Variants in PKN2 observed in about 807,000 individuals in gnomAD.
The protein encoded by PKN2 is serine/threonine-protein kinase N2.
In PKN2, 38 loss-of-function variants were observed where a neutral mutation model predicts 119.1. The ratio of observed to expected loss-of-function variants is 0.32; its 90% CI spans 0.25 to 0.42. The LOEUF (loss-of-function observed/expected upper bound fraction) is 0.42. Ranked by LOEUF, PKN2 falls within the 10% of genes least tolerant of loss-of-function variation. PKN2 has a pLI of 1.00. For missense variants in PKN2, 850 were observed against 1,165.1 expected (o/e 0.73, Z 3.94); for synonymous variants, 390 against 384.9 (o/e 1.01, Z -0.15).
intron 8 of PKN2, among the ~76,000 whole-genome samples, chr1:88,788,811 C>T (rs1322274303): frequency 6.6e-6 from 1 of 152,126 alleles, no homozygotes; most frequent in African/African-American, 2.4e-5. Flanking sequence ...TGTCGGGTTA[C>T]TCTTTTATAT....
At chr1:88,743,937 C>T (rs1449678530) in intron 2 of PKN2, among the ~76,000 whole-genome samples, 1 of 151,920 alleles carries the variant, frequency 6.6e-6, no homozygotes, top group East Asian at 1.9e-4. Flanking sequence ...TAACTTTATA[C>T]TGTGACTTCT....
intron 1 of PKN2, among the ~76,000 whole-genome samples, chr1:88,722,696 T>C (rs1374796381): frequency 6.6e-6 from 1 of 151,352 alleles, no homozygotes; most frequent in Non-Finnish European, 1.5e-5. Flanking sequence ...GGTGGGAGGA[T>C]CACTTGATCT....
intron 1 of PKN2, among the ~76,000 whole-genome samples, chr1:88,691,171 C>T (rs1002605419): frequency 6.6e-6 from 1 of 152,034 alleles, no homozygotes; most frequent in African/African-American, 2.4e-5. Context: ...TCAAGTGATT[C>T]GCCCATCTCA....
At chr1:88,723,884 T>C (rs11805027) in intron 1 of PKN2, among the ~76,000 whole-genome samples, 9,727 of 152,242 alleles carry the variant, frequency 0.064, 633 homozygotes, top group African/African-American at 0.17. Context: ...TATAATATTT[T>C]GCCTTCTCAT....
chr1:88,783,590 T>C (rs1158452461), intron 6 of PKN2, among the ~76,000 whole-genome samples: 1 of 152,218 alleles, frequency 6.6e-6, no homozygotes, highest in Non-Finnish European at 1.5e-5. Context: ...AATTAAGTAG[T>C]TATTTAAATT....
intron 7 of PKN2, among the ~76,000 whole-genome samples, chr1:88,785,427 A>T (rs1230537362): frequency 2.0e-5 from 3 of 152,100 alleles, no homozygotes; most frequent in Non-Finnish European, 4.4e-5. Flanking sequence ...TCCAGCCTTG[A>T]TTCTTTTAAT....
At position 88,763,909 on chromosome 1, in the gene PKN2, C is replaced by T. The variant is rs987189091; in HGVS notation, c.504+3533C>T. 3.3e-5 allele frequency among the ~76,000 whole-genome samples: 5 copies of T among 152,128 alleles called. No homozygotes were observed. In the South Asian group the frequency reaches 1.0e-3, roughly 31 times the overall value. Reference sequence around the variant, plus strand: ...TCATGAGGGGGAGCAAATTTAGGGACAGGGATGATTAATTCAGTTTGGCAG... The same window carrying T: ...TCATGAGGGGGAGCAAATTTAGGGATAGGGATGATTAATTCAGTTTGGCAG... On this transcript the variant is annotated intron_variant, in intron 3 of 21. Coordinates refer to ENST00000370521, the MANE Select transcript of PKN2 (RefSeq NM_006256.4).
intron 1 of PKN2, among the ~76,000 whole-genome samples, chr1:88,700,850 G>C (rs770714892): frequency 6.6e-6 from 1 of 152,172 alleles, no homozygotes; most frequent in Non-Finnish European, 1.5e-5. Flanking sequence ...TGTTTGTTGA[G>C]TAAATAACAG....
intron 16 of PKN2, among the ~76,000 whole-genome samples, chr1:88,820,695 G>A (rs1288743375): frequency 6.6e-6 from 1 of 152,072 alleles, no homozygotes; most frequent in Non-Finnish European, 1.5e-5. Context: ...TGTATGAACG[G>A]CAGTGGAATG....
intron 1 of PKN2, among the ~76,000 whole-genome samples, chr1:88,734,263 A>G (rs553060004): frequency 7.9e-5 from 12 of 152,044 alleles, no homozygotes; most frequent in Admixed American, 6.6e-5. Flanking sequence ...TGTCCAAAAT[A>G]TTCTTGCCTA....
At chr1:88,829,187 A>G (rs1312492770) in intron 19 of PKN2, 4 of 739,024 alleles carry the variant, frequency 5.4e-6, no homozygotes, top group Non-Finnish European at 1.0e-5. Context: ...ATGGCCATGA[A>G]TTTATTGTAA....
At chr1:88,724,575 C>CTTTT (rs35072207) in intron 1 of PKN2, among the ~76,000 whole-genome samples, 49 of 141,054 alleles carry the variant, frequency 3.5e-4, no homozygotes, top group African/African-American at 1.1e-3. Flanking sequence ...AGGGATTACT[C>CTTTT]TTTTTTTTTT....
chr1:88,693,482 T>C (rs2100650510), intron 1 of PKN2, among the ~76,000 whole-genome samples: 1 of 152,354 alleles, frequency 6.6e-6, no homozygotes, highest in Non-Finnish European at 1.5e-5. Flanking sequence ...AAACTGACTT[T>C]AAGCAAAATA....
chr1:88,687,522 A>G (rs1357491903), intron 1 of PKN2, among the ~76,000 whole-genome samples: 1 of 152,224 alleles, frequency 6.6e-6, no homozygotes, highest in African/African-American at 2.4e-5. Context: ...GAATCTCAGA[A>G]TGAAAGTGTT....
chr1:88,715,427 C>T (rs1403462885), intron 1 of PKN2, among the ~76,000 whole-genome samples: 2 of 152,034 alleles, frequency 1.3e-5, no homozygotes, highest in South Asian at 2.1e-4. Flanking sequence ...GACTATTAAT[C>T]ATTTCCTCAA....
chr1:88,760,000 T>C (rs1250661022), intron 2 of PKN2, among the ~76,000 whole-genome samples: 1 of 151,888 alleles, frequency 6.6e-6, no homozygotes, highest in South Asian at 2.1e-4. Context: ...CTTTTATATT[T>C]TAAGTGGAAT....
chr1:88,706,341 A>G (rs976440978), intron 1 of PKN2, among the ~76,000 whole-genome samples: 2 of 152,156 alleles, frequency 1.3e-5, no homozygotes, highest in Non-Finnish European at 2.9e-5. Context: ...TGTGTCCTGC[A>G]ACTTTGCTGA....
In PKN2 at chr1:88,807,371, A is replaced by T; in HGVS notation, c.1862A>T (p.Gln621Leu). ...AGAAATAGTATACTTCCAAAATCTC[A>T]ATCTGAATACAAGCCTGATACTCCT... ...NDRNSILPKSQSEYKPDTPQS... is the reference protein window; with the variant it reads ...NDRNSILPKSLSEYKPDTPQS... Residue 621 changes from glutamine to leucine, a missense_variant, in exon 13 of 22, where the codon CAA (glutamine) becomes CTA (leucine). Physicochemically the swap from Gln to Leu is moderately radical, Grantham distance 113. Transcript: ENST00000370521. 3 of 1,599,712 alleles carry T rather than the reference A, an allele frequency of 1.9e-6. No individual in the cohort carries two copies. Among genetic ancestry groups the T allele is most frequent in the Non-Finnish European group, 2.6e-6 (3 of 1,168,564 alleles).
intron 15 of PKN2, among the ~76,000 whole-genome samples, chr1:88,812,220 C>T (rs911557239): frequency 1.3e-5 from 2 of 152,122 alleles, no homozygotes; most frequent in Non-Finnish European, 2.9e-5. Context: ...TCCTTTATCT[C>T]GCTGTCCTAA....
Sources: allele counts gnomAD v4.1 joint callset (sites outside exome capture counted in the v4.1 genomes callset), GRCh38; gene constraint gnomAD v4.1.1; transcripts MANE v1.5; gene names NCBI Gene and HGNC (gene_info 2026-07-23, HGNC 2026-07-21).